The following AHRR variants were observed in gnomAD, a reference collection of about 807,000 sequenced individuals.
AHRR encodes ahR repressor.
AHRR carries 28 observed loss-of-function variants against 44.0 expected under a neutral mutation model. The ratio of observed to expected loss-of-function variants is 0.64; its 90% CI spans 0.47 to 0.87. The LOEUF (loss-of-function observed/expected upper bound fraction) is 0.87. AHRR is among the 40% of genes least tolerant of loss of function. AHRR has a pLI of 0.00. For synonymous variants in AHRR, 434 were observed against 407.0 expected (o/e 1.07, Z -0.80); for missense variants, 990 against 953.9 (o/e 1.04, Z -0.50).
In AHRR at chr5:398,513, C is replaced by T. The variant is rs79404818; in HGVS notation, c.352-14831C>T. On this transcript the variant is annotated intron_variant, in intron 4 of 10. Transcript: ENST00000684583. ...AGAGTTCTATTCAGTGGTGTTCACT[C>T]GGCCCCTGCTCTGCCCTCGGCTCAG... Among the ~76,000 whole-genome samples the T allele has an allele frequency of 6.3e-3, 966 of 152,334 alleles. 10 individuals carry two copies. The highest frequency in any genetic ancestry group is 0.022 in the African/African-American group (923 of 41,574).
At chr5:376,927 C>G (rs568007577) in intron 4 of AHRR, among the ~76,000 whole-genome samples, 1 of 152,114 alleles carries the variant, frequency 6.6e-6, no homozygotes, top group African/African-American at 2.4e-5. Context: ...GTGTGAGCCT[C>G]GTAGGCTGGG....
Position 387,472 on chromosome 5 carries a change from C to T in AHRR, c.351+10756C>T, listed in dbSNP as rs1379469351. ...TGTGGGGGTCCTCCATCCACAGGGACGGATTTTCTCTCCAGGTGCTTATGT... is the reference window on the plus strand; with the variant it reads ...TGTGGGGGTCCTCCATCCACAGGGATGGATTTTCTCTCCAGGTGCTTATGT... On this transcript the variant is annotated intron_variant, in intron 4 of 10. Transcript: ENST00000684583. The surrounding 1 kb of genome is among the most constrained non-coding windows in gnomAD (Gnocchi z 5.1). Among the ~76,000 whole-genome samples, 1 of 152,208 alleles carries T rather than the reference C, an allele frequency of 6.6e-6. No individual in the cohort carries two copies. The highest frequency in any genetic ancestry group is 1.9e-4 in the East Asian group (1 of 5,198).
At chr5:422,678 G>C in intron 5 of AHRR, 51 bp from the exon 6 acceptor site, 1 of 1,613,716 alleles carries the variant, frequency 6.2e-7, no homozygotes, top group Non-Finnish European at 8.5e-7. Context: ...GGAATAAAGT[G>C]TCTAAAGCCA....
chr5:434,785 T>A lies in AHRR; in HGVS notation c.2045T>A (p.Leu682Ter), dbSNP rs1335753023. ...CCCGGGATGTTGCCCAAAAGTGCCT[T>A]GGCCACGCTGGTCCCGCCCCAAGCT... ...MVPGMLPKSA[L>*]ATLVPPQASG... Residue 682 changes from leucine to a stop codon, truncating the protein, a stop_gained, in exon 11 of 11, where the codon TTG (leucine) becomes TAG (stop). Coordinates refer to ENST00000684583, the MANE Select transcript of AHRR (RefSeq NM_001377236.1). LOFTEE classifies it low-confidence loss of function (END_TRUNC). 5 of 1,555,682 alleles carry A rather than the reference T, an allele frequency of 3.2e-6. No individual in the cohort carries two copies. Among genetic ancestry groups the A allele is most frequent in the Non-Finnish European group, 4.3e-6 (5 of 1,149,484 alleles).
At chr5:353,151 A>G (rs1226867278) in intron 2 of AHRR, among the ~76,000 whole-genome samples, 1 of 152,146 alleles carries the variant, frequency 6.6e-6, no homozygotes, top group Non-Finnish European at 1.5e-5. Flanking sequence ...GGGGCCCCAG[A>G]GTGGCAGGCA....
At chr5:399,294 C>A (rs577232349) in intron 4 of AHRR, among the ~76,000 whole-genome samples, 2 of 152,184 alleles carry the variant, frequency 1.3e-5, no homozygotes, top group African/African-American at 2.4e-5. Flanking sequence ...ATGGGCCTGG[C>A]GCTTCTGGAG....
At chr5:392,869 C>CT (rs1734532099) in intron 4 of AHRR, among the ~76,000 whole-genome samples, 1 of 152,046 alleles carries the variant, frequency 6.6e-6, no homozygotes, top group Non-Finnish European at 1.5e-5. Context: ...CTTGGACTGT[C>CT]TCCCCCATGC....
Position 432,781 on chromosome 5 carries a change from T to A in AHRR, c.971-25T>A, listed in dbSNP as rs746756344. ...GCTCCTCAGCTCGCACCGTGACGGCTTCCCCCCCCTCTAAACCCCAACAGG... is the reference window on the plus strand; with the variant it reads ...GCTCCTCAGCTCGCACCGTGACGGCATCCCCCCCCTCTAAACCCCAACAGG... On this transcript the variant is annotated intron_variant, in intron 9 of 10. Coordinates refer to ENST00000684583, the MANE Select transcript of AHRR (RefSeq NM_001377236.1). 2.5e-6 allele frequency: 4 copies of A among 1,610,864 alleles called. No homozygotes were observed. The East Asian group carries it at 6.7e-5, about 27-fold the overall frequency.
chr5:378,724 G>A (rs1302609200), intron 4 of AHRR, among the ~76,000 whole-genome samples: 3 of 152,190 alleles, frequency 2.0e-5, no homozygotes, highest in Non-Finnish European at 2.9e-5. Flanking sequence ...GAGGCCCTGA[G>A]CTCCCTGCAC....
At chr5:401,676 CG>C in intron 4 of AHRR, among the ~76,000 whole-genome samples, 1 of 152,338 alleles carries the variant, frequency 6.6e-6, no homozygotes, top group Admixed American at 6.5e-5. Flanking sequence ...GCCAGCTCTG[CG>C]GGGCACAGAG....
intron 3 of AHRR, among the ~76,000 whole-genome samples, chr5:365,623 A>G (rs967096546): frequency 2.0e-5 from 3 of 152,180 alleles, no homozygotes; most frequent in Non-Finnish European, 4.4e-5. Context: ...AAAGAAACAT[A>G]CAACAGAGTT....
At position 404,163 on chromosome 5, in the gene AHRR, C is replaced by T; in HGVS notation, c.352-9181C>T. The T allele has an allele frequency of 1.9e-6, 1 of 534,266 alleles. No individual in the cohort carries two copies. The highest frequency in any genetic ancestry group is 3.6e-6 in the Non-Finnish European group (1 of 279,294). 33.1% of individuals were successfully genotyped at this position (534,266 alleles called of 1,614,324 possible). Reference sequence around the variant, plus strand: ...TCAGCCTCAGCCGTTCCTGGTGGGTCTGCATTCCTGTCACGAGCTGGTCTT... The same window carrying T: ...TCAGCCTCAGCCGTTCCTGGTGGGTTTGCATTCCTGTCACGAGCTGGTCTT... On this transcript the variant is annotated intron_variant, in intron 4 of 10. Coordinates refer to ENST00000684583, the MANE Select transcript of AHRR (RefSeq NM_001377236.1). The surrounding 1 kb of genome is among the most constrained non-coding windows in gnomAD (Gnocchi z 4.1).
chr5:383,885 T>C lies in AHRR; in HGVS notation c.351+7169T>C, dbSNP rs1397543942. Among the ~76,000 whole-genome samples the C allele has an allele frequency of 6.6e-6, 1 of 152,190 alleles. No individual in the cohort carries two copies. Among genetic ancestry groups the C allele is most frequent in the Non-Finnish European group, 1.5e-5 (1 of 68,038 alleles). On this transcript the variant is annotated intron_variant, in intron 4 of 10. Coordinates refer to ENST00000684583, the MANE Select transcript of AHRR (RefSeq NM_001377236.1). The surrounding 1 kb of genome is among the most constrained non-coding windows in gnomAD (Gnocchi z 4.0). ...CAGCCCCCAGCTTTCTTTTGATTAA[T>C]GTTTGCTTGGAATATCTTACTCCAT... is the stretch of plus-strand genomic sequence containing the variant.
rs974453099 is a variant in AHRR at position 404,149 on chromosome 5, C to T, written c.352-9195C>T. 1.7e-5 allele frequency: 9 copies of T among 536,124 alleles called. No homozygotes were observed. The highest frequency in any genetic ancestry group is 3.2e-5 in the Non-Finnish European group (9 of 280,642). The allele number at this position is 536,124 out of a possible 1,614,324, so 33.2% of individuals were successfully genotyped here. On this transcript the variant is annotated intron_variant, in intron 4 of 10. Transcript: ENST00000684583. This position sits in a 1 kb window ranked among gnomAD's most constrained non-coding sequence, Gnocchi z 4.1. The stretch of plus-strand genomic sequence containing the variant: ...CTTCTCCGTCTCTCTCAGCCTCAGC[C>T]GTTCCTGGTGGGTCTGCATTCCTGT...
chr5:345,648 T>C (rs1387169731), intron 2 of AHRR, among the ~76,000 whole-genome samples: 2 of 151,734 alleles, frequency 1.3e-5, no homozygotes, highest in Non-Finnish European at 2.9e-5. Context: ...GCAGGGGCTG[T>C]AGGATTCTGT....
chr5:414,563 C>A (rs1264016402), intron 5 of AHRR, among the ~76,000 whole-genome samples: 1 of 152,124 alleles, frequency 6.6e-6, no homozygotes, highest in African/African-American at 2.4e-5. Context: ...AAGTTATAAA[C>A]CCAAGGAAGC....
At chr5:345,699 G>T (rs1742648375) in intron 2 of AHRR, among the ~76,000 whole-genome samples, 1 of 151,958 alleles carries the variant, frequency 6.6e-6, no homozygotes, top group Non-Finnish European at 1.5e-5. Context: ...CCTAACACCT[G>T]CTGTGATAAT....
chr5:397,863 C>A, intron 4 of AHRR, among the ~76,000 whole-genome samples: 1 of 90,982 alleles, frequency 1.1e-5, no homozygotes. Context: ...AGCCCCTGAC[C>A]ATCCCTGTTA....
At position 434,840 on chromosome 5, in the gene AHRR, T is replaced by C. The variant is rs774699089; in HGVS notation, c.*6T>C. 65 of 1,539,080 alleles carry C rather than the reference T, an allele frequency of 4.2e-5. No individual in the cohort carries two copies. Among genetic ancestry groups the C allele is most frequent in the Non-Finnish European group, 5.5e-5 (63 of 1,138,592 alleles). On this transcript the variant is annotated 3_prime_UTR_variant, in exon 11 of 11. Coordinates refer to ENST00000684583, the MANE Select transcript of AHRR (RefSeq NM_001377236.1). ...GGTGCACATTCCTGCCATAGCGCAG[T>C]GACCACCATCCAAGCTCAGATCTGT... is the stretch of plus-strand genomic sequence containing the variant.
Sources: gnomAD v4.1 joint callset for allele counts (sites outside exome capture counted in the v4.1 genomes callset) on GRCh38, gnomAD v4.1.1 for gene constraint, Gnocchi (gnomAD v3.1) non-coding constraint, MANE v1.5 for transcripts, NCBI Gene and HGNC (gene_info 2026-07-23, HGNC 2026-07-21) for gene names.